The following IMMP2L variants were observed in gnomAD, a reference collection of about 807,000 sequenced individuals.
IMMP2L encodes inner mitochondrial membrane peptidase subunit 2.
Under a neutral mutation model 19.3 loss-of-function variants are expected in IMMP2L, and 18 were observed. The ratio of observed to expected loss-of-function variants is 0.93; its 90% CI spans 0.64 to 1.38. The LOEUF is 1.38. Ranked by LOEUF, IMMP2L falls within the 40% of genes most tolerant of loss-of-function variation. The pLI is 0.00. For synonymous variants in IMMP2L, 76 were observed against 73.0 expected (o/e 1.04, Z -0.21); for missense variants, 233 against 218.2 (o/e 1.07, Z -0.43).
chr7:110,776,597 G>A (rs577746215), intron 5 of IMMP2L, among the ~76,000 whole-genome samples: 1 of 152,122 alleles, frequency 6.6e-6, no homozygotes, highest in East Asian at 1.9e-4. Context: ...GTTGAATTGA[G>A]TAGGAATTAA....
chr7:110,700,682 T>C (rs1202168755), intron 5 of IMMP2L, among the ~76,000 whole-genome samples: 1 of 152,230 alleles, frequency 6.6e-6, no homozygotes, highest in Non-Finnish European at 1.5e-5. Flanking sequence ...GAACTCTAAC[T>C]TGAGGTTAGC....
intron 3 of IMMP2L, among the ~76,000 whole-genome samples, chr7:111,052,923 A>ATT (rs570210778): frequency 3.5e-4 from 54 of 152,160 alleles, no homozygotes; most frequent in Middle Eastern, 3.4e-3. Flanking sequence ...CCTCCCCTAA[A>ATT]AGGTTTCTGT....
At chr7:110,979,691 A>C (rs541278048) in intron 3 of IMMP2L, among the ~76,000 whole-genome samples, 1 of 151,254 alleles carries the variant, frequency 6.6e-6, no homozygotes, top group Admixed American at 6.6e-5. Context: ...AACTTAAAAA[A>C]CAAAACAAAA....
At chr7:111,517,347 A>T (rs1188104462) in intron 2 of IMMP2L, among the ~76,000 whole-genome samples, 1 of 151,980 alleles carries the variant, frequency 6.6e-6, no homozygotes, top group African/African-American at 2.4e-5. Flanking sequence ...TGACCTAGAG[A>T]TACAGTATTG....
chr7:111,403,001 C>CG (rs1345083813), intron 3 of IMMP2L, among the ~76,000 whole-genome samples: 2 of 106,272 alleles, frequency 1.9e-5, no homozygotes, highest in African/African-American at 7.9e-5. Context: ...ACCCCCCCCC[C>CG]CCACCCCGCC....
At chr7:111,388,535 G>A (rs1156797287) in intron 3 of IMMP2L, among the ~76,000 whole-genome samples, 1 of 151,950 alleles carries the variant, frequency 6.6e-6, no homozygotes, top group Admixed American at 6.6e-5. Context: ...GTATTAGTCC[G>A]TTTTCATGCT....
chr7:110,977,580 G>A (rs1820830472), intron 3 of IMMP2L, among the ~76,000 whole-genome samples: 1 of 151,970 alleles, frequency 6.6e-6, no homozygotes, highest in African/African-American at 2.4e-5. Flanking sequence ...TGAAGTCTGT[G>A]TTGTGGTTTA....
rs530925448 is a variant in IMMP2L at position 111,386,849 on chromosome 7, A to G, written c.239+100389T>C. On this transcript the variant is annotated intron_variant, in intron 3 of 5. Transcript: ENST00000405709. ...TGCCATAAACTATTAGCTGACAAGC[A>G]ATTATATTCTACCTTGTAAAAGAAA... is the stretch of plus-strand genomic sequence containing the variant. Among the ~76,000 whole-genome samples, 5 of 152,298 alleles carry G rather than the reference A, an allele frequency of 3.3e-5. No individual in the cohort carries two copies. The South Asian group carries it at 8.3e-4, about 25-fold the overall frequency.
intron 3 of IMMP2L, among the ~76,000 whole-genome samples, chr7:110,965,174 A>G (rs146465729): frequency 1.0e-3 from 154 of 152,208 alleles, no homozygotes; most frequent in African/African-American, 3.4e-3. Flanking sequence ...TAACAGACGC[A>G]TTTCAAGAAA....
At chr7:111,058,806 C>G (rs1220668675) in intron 3 of IMMP2L, among the ~76,000 whole-genome samples, 1 of 152,122 alleles carries the variant, frequency 6.6e-6, no homozygotes, top group Non-Finnish European at 1.5e-5. Flanking sequence ...GACTTGAGTC[C>G]TATCCTACTA....
chr7:111,439,019 A>G (rs2131765071), intron 3 of IMMP2L, among the ~76,000 whole-genome samples: 1 of 152,004 alleles, frequency 6.6e-6, no homozygotes, highest in South Asian at 2.1e-4. Context: ...CAACAAAAGA[A>G]TGTGGACACA....
chr7:110,699,893 C>CA (rs1398958554), intron 5 of IMMP2L, among the ~76,000 whole-genome samples: 2 of 152,100 alleles, frequency 1.3e-5, no homozygotes, highest in African/African-American at 4.8e-5. Flanking sequence ...AAGCAGCCTA[C>CA]AGAAAGCATC....
At position 111,003,229 on chromosome 7, in the gene IMMP2L, T is replaced by C. The variant is rs1345616301; in HGVS notation, c.240-39664A>G. Reference sequence around the variant, plus strand: ...GCTTGCCCTGACTTTTCTTAACTGTTAAGTGGAGATAATATTTACCGATAT... The same window carrying C: ...GCTTGCCCTGACTTTTCTTAACTGTCAAGTGGAGATAATATTTACCGATAT... On this transcript the variant is annotated intron_variant, in intron 3 of 5. Coordinates refer to ENST00000405709, the MANE Select transcript of IMMP2L (RefSeq NM_032549.4). 1.1e-4 allele frequency among the ~76,000 whole-genome samples: 17 copies of C among 152,316 alleles called. No individual in the cohort carries two copies. In the South Asian group the frequency reaches 3.5e-3, roughly 32 times the overall value.
chr7:111,045,595 A>G (rs1792317673), intron 3 of IMMP2L, among the ~76,000 whole-genome samples: 1 of 152,230 alleles, frequency 6.6e-6, no homozygotes, highest in South Asian at 2.1e-4. Context: ...TTAAAAGTAA[A>G]AACAGGAGGC....
intron 3 of IMMP2L, among the ~76,000 whole-genome samples, chr7:111,291,271 T>C (rs1422167963): frequency 6.6e-6 from 1 of 152,082 alleles, no homozygotes; most frequent in Non-Finnish European, 1.5e-5. Flanking sequence ...AGAAGACCAG[T>C]GGTTGCAGCA....
intron 3 of IMMP2L, among the ~76,000 whole-genome samples, chr7:111,261,853 C>T (rs757258129): frequency 6.6e-6 from 1 of 152,048 alleles, no homozygotes; most frequent in Non-Finnish European, 1.5e-5. Context: ...AGGTAAGCAA[C>T]GACTTGGGTG....
At chr7:110,970,700 A>G (rs1412728726) in intron 3 of IMMP2L, among the ~76,000 whole-genome samples, 1 of 152,128 alleles carries the variant, frequency 6.6e-6, no homozygotes, top group Non-Finnish European at 1.5e-5. Context: ...TCTGTTCCCA[A>G]AGATGGACAT....
Position 111,123,734 on chromosome 7 carries a change from G to C in IMMP2L, c.240-160169C>G, listed in dbSNP as rs1283980345. 4 of 1,613,756 alleles carry C rather than the reference G, an allele frequency of 2.5e-6. No individual in the cohort carries two copies. Among genetic ancestry groups the C allele is most frequent in the Non-Finnish European group, 3.4e-6 (4 of 1,179,938 alleles). On this transcript the variant is annotated intron_variant, in intron 3 of 5. Coordinates refer to ENST00000405709, the MANE Select transcript of IMMP2L (RefSeq NM_032549.4). The surrounding 1 kb of genome is among the most constrained non-coding windows in gnomAD (Gnocchi z 6.4). ...AAAATAGAAGCTACTAACAACCCTA[G>C]ATTGTCTTACATTCACCCCAATGCA...
chr7:111,029,923 T>C (rs1827225462), intron 3 of IMMP2L, among the ~76,000 whole-genome samples: 1 of 152,194 alleles, frequency 6.6e-6, no homozygotes, highest in South Asian at 2.1e-4. Context: ...ATCATGCTTC[T>C]TGGGCAATGT....
Sources: allele counts gnomAD v4.1 joint callset (sites outside exome capture counted in the v4.1 genomes callset), GRCh38; gene constraint gnomAD v4.1.1; non-coding constraint Gnocchi (gnomAD v3.1); transcripts MANE v1.5; gene names NCBI Gene and HGNC (gene_info 2026-07-23, HGNC 2026-07-21).